The following MSH4 variants were observed in gnomAD, a reference collection of about 807,000 sequenced individuals.
The protein encoded by MSH4 is mutS homolog 4, also known as mutS protein homolog 4.
In MSH4, 106 loss-of-function variants were observed where a neutral mutation model predicts 113.7. That is an observed-to-expected ratio of 0.93 (90% confidence interval 0.80 to 1.10). The LOEUF is 1.10. Among genes scored for constraint, MSH4 ranks in the 50% least tolerant of loss-of-function variants. The pLI is 0.00. For missense variants in MSH4, 1,061 were observed against 1,093.7 expected, an observed-to-expected ratio of 0.97 and a Z score of 0.42; for synonymous variants, 368 against 380.2, an observed-to-expected ratio of 0.97 and a Z score of 0.37.
chr1:75,814,893 G>T, intron 4 of MSH4, 128 bp from the exon 5 acceptor site: 1 of 624,088 alleles, frequency 1.6e-6, no homozygotes, highest in South Asian at 1.9e-5. Context: ...ACTAAGAAAA[G>T]TTCTTATTTA....
At chr1:75,878,024 T>G (rs1651851263) in intron 10 of MSH4, 125 bp from the exon 11 acceptor site, 1 of 663,064 alleles carries the variant, frequency 1.5e-6, no homozygotes, top group Non-Finnish European at 2.5e-6. Flanking sequence ...TATTTGTTGC[T>G]TAATTAGTTA....
chr1:75,840,339 A>G (rs1234139106), intron 7 of MSH4, among the ~76,000 whole-genome samples: 2 of 146,238 alleles, frequency 1.4e-5, no homozygotes, highest in Non-Finnish European at 3.0e-5. Flanking sequence ...CTGTGCAGCC[A>G]TAAAAAATGA....
At chr1:75,837,586 C>T (rs924772092) in intron 7 of MSH4, among the ~76,000 whole-genome samples, 2 of 152,000 alleles carry the variant, frequency 1.3e-5, no homozygotes, top group African/African-American at 2.4e-5. Flanking sequence ...GGGATTTTCT[C>T]CATGTTGGCC....
intron 9 of MSH4, among the ~76,000 whole-genome samples, chr1:75,868,585 G>A (rs1255728244): frequency 2.0e-5 from 3 of 152,172 alleles, no homozygotes; most frequent in African/African-American, 7.2e-5. Flanking sequence ...AACATGGTTT[G>A]GCTGTGTCTC....
chr1:75,829,642 C>T (rs892735366), intron 7 of MSH4, among the ~76,000 whole-genome samples: 5 of 152,156 alleles, frequency 3.3e-5, no homozygotes, highest in African/African-American at 7.2e-5. Flanking sequence ...TTTGCTGTTC[C>T]GCAGCCTCTG....
chr1:75,799,295 G>A (rs1446512902), intron 1 of MSH4, among the ~76,000 whole-genome samples: 1 of 151,588 alleles, frequency 6.6e-6, no homozygotes, highest in African/African-American at 2.4e-5. Context: ...TTTTGTTCCT[G>A]TTTTACAGAT....
At chr1:75,832,398 C>G (rs11161704) in intron 7 of MSH4, among the ~76,000 whole-genome samples, 11,559 of 152,108 alleles carry the variant, frequency 0.076, 725 homozygotes, top group East Asian at 0.27. Flanking sequence ...TTATTCTGAT[C>G]AATAGAAAAA....
chr1:75,892,938 C>A (rs137999478), intron 17 of MSH4, among the ~76,000 whole-genome samples: 1 of 152,146 alleles, frequency 6.6e-6, no homozygotes, highest in African/African-American at 2.4e-5. Flanking sequence ...AACTTCTACT[C>A]GAAATTGAGC....
At chr1:75,854,530 A>G (rs2172508) in intron 8 of MSH4, among the ~76,000 whole-genome samples, 30,370 of 152,062 alleles carry the variant, frequency 0.2, 3,320 homozygotes, top group Middle Eastern at 0.28. Flanking sequence ...CTTGCTAGGT[A>G]GACCTTCAGT....
intron 6 of MSH4, among the ~76,000 whole-genome samples, chr1:75,818,500 C>T (rs1258917539): frequency 6.6e-6 from 1 of 152,176 alleles, no homozygotes. Context: ...GTGCCTATCT[C>T]ATAACATGGT....
intron 4 of MSH4, among the ~76,000 whole-genome samples, chr1:75,812,918 T>C (rs956595605): frequency 2.6e-5 from 4 of 152,258 alleles, no homozygotes; most frequent in South Asian, 2.1e-4. Context: ...ATGTTAGTGT[T>C]TCGTTCAAGT....
Position 75,847,525 on chromosome 1 carries a change from G to A in MSH4, c.1163-684G>A, listed in dbSNP as rs146774572. Among the ~76,000 whole-genome samples the A allele has an allele frequency of 6.6e-5, 10 of 152,256 alleles. No homozygotes were observed. In the East Asian group the frequency reaches 7.7e-4, roughly 12 times the overall value. ...AGAGTTTCAAGAATGAGGGTAAGTC[G>A]TGTTGCTATAATAGAATACCTGAGG... On this transcript the variant is annotated intron_variant, in intron 7 of 19. Transcript: ENST00000263187.
At chr1:75,825,348 T>A (rs1650523277) in intron 7 of MSH4, among the ~76,000 whole-genome samples, 1 of 152,146 alleles carries the variant, frequency 6.6e-6, no homozygotes, top group Non-Finnish European at 1.5e-5. Flanking sequence ...GTTTATCAGT[T>A]TAAGGAGTTT....
intron 19 of MSH4, among the ~76,000 whole-genome samples, chr1:75,902,693 A>AGTTCTT (rs1652533087): frequency 7.2e-5 from 1 of 13,900 alleles, no homozygotes; most frequent in African/African-American, 3.4e-4. Context: ...ATATATATAT[A>AGTTCTT]TATATATATA....
intron 7 of MSH4, among the ~76,000 whole-genome samples, chr1:75,826,517 T>C (rs150828346): frequency 0.025 from 3,831 of 152,280 alleles, 71 homozygotes; most frequent in Non-Finnish European, 0.036. Context: ...TGAATTTGTT[T>C]GCTCTTGCTT....
intron 8 of MSH4, among the ~76,000 whole-genome samples, chr1:75,861,374 C>T (rs1651452202): frequency 6.6e-6 from 1 of 152,202 alleles, no homozygotes; most frequent in African/African-American, 2.4e-5. Context: ...AGCCTTTCTG[C>T]TCTGGCTTCT....
At chr1:75,805,124 C>G (rs974316847) in intron 2 of MSH4, among the ~76,000 whole-genome samples, 1 of 148,436 alleles carries the variant, frequency 6.7e-6, no homozygotes, top group Admixed American at 6.7e-5. Flanking sequence ...CGCACCCAGC[C>G]CTGACCTGTT....
chr1:75,898,033 T>C lies in MSH4; in HGVS notation c.2482T>C (p.Leu828=). 6.2e-7 allele frequency: 1 copy of C among 1,604,094 alleles called. No homozygotes were observed. The highest frequency in any genetic ancestry group is 8.5e-7 in the Non-Finnish European group (1 of 1,175,348). Reference sequence around the variant, plus strand: ...TACCTCAAGAAATAAAGAAGCAATTTTGTATACCTACAAACTTTCTAAGGG... The same window carrying C: ...TACCTCAAGAAATAAAGAAGCAATTCTGTATACCTACAAACTTTCTAAGGG... ...KNTSRNKEAI[L]YTYKLSKGLT... is the part of the protein sequence containing the mutation. The change falls in exon 18 of 20, where the codon TTG becomes CTG. Residue 828 remains leucine (L), a synonymous_variant. Coordinates refer to ENST00000263187, the MANE Select transcript of MSH4 (RefSeq NM_002440.4).
chr1:75,807,650 T>C (rs532735790), intron 3 of MSH4, among the ~76,000 whole-genome samples: 1 of 152,332 alleles, frequency 6.6e-6, no homozygotes, highest in South Asian at 2.1e-4. Flanking sequence ...TTATTTTATT[T>C]GGAAATTAGG....
Sources: allele counts gnomAD v4.1 joint callset (sites outside exome capture counted in the v4.1 genomes callset), GRCh38; gene constraint gnomAD v4.1.1; transcripts MANE v1.5; gene names NCBI Gene and HGNC (gene_info 2026-07-23, HGNC 2026-07-21).